Variants in NR5A2 observed in about 807,000 individuals in gnomAD.
The protein encoded by NR5A2 is CYP7A promoter-binding factor.
In NR5A2, 26 loss-of-function variants were observed where a neutral mutation model predicts 62.7. The ratio of observed to expected loss-of-function variants is 0.41; its 90% CI spans 0.30 to 0.58. The LOEUF (loss-of-function observed/expected upper bound fraction) is 0.58. Ranked by LOEUF, NR5A2 falls within the 20% of genes least tolerant of loss-of-function variation. The pLI, the probability that NR5A2 is intolerant of heterozygous loss-of-function variation, is 0.22. For missense variants in NR5A2, 541 were observed against 669.1 expected (o/e 0.81, Z 2.11); for synonymous variants, 246 against 241.7 (o/e 1.02, Z -0.16).
intron 7 of NR5A2, chr1:200,148,264 C>A: frequency 4.8e-6 from 1 of 206,754 alleles, no homozygotes; most frequent in South Asian, 1.2e-4. Context: ...ACAGCATTCC[C>A]TCGGAGGGCA....
intron 5 of NR5A2, among the ~76,000 whole-genome samples, chr1:200,105,620 A>G (rs1481338289): frequency 3.9e-5 from 6 of 152,256 alleles, no homozygotes; most frequent in Non-Finnish European, 7.3e-5. Flanking sequence ...CTACCAGTCC[A>G]TATTGTAGAA....
intron 7 of NR5A2, among the ~76,000 whole-genome samples, chr1:200,145,117 C>T (rs547855480): frequency 6.6e-6 from 1 of 152,240 alleles, no homozygotes; most frequent in South Asian, 2.1e-4. Context: ...CAAGACCAGC[C>T]TGACCAATAT....
chr1:200,042,439 C>T (rs554728905), intron 2 of NR5A2, among the ~76,000 whole-genome samples: 1 of 152,346 alleles, frequency 6.6e-6, no homozygotes, highest in African/African-American at 2.4e-5. Flanking sequence ...GATACTGTGG[C>T]GGAGGACTTT....
chr1:200,059,955 G>A lies in NR5A2; in HGVS notation c.1110+11137G>A, dbSNP rs778692613. Among the ~76,000 whole-genome samples, 22 of 152,136 alleles carry A rather than the reference G, an allele frequency of 1.4e-4. 1 individual carries two copies. The highest frequency in any genetic ancestry group is 9.8e-4 in the Admixed American group (15 of 15,290). ...GAACAACAAAAATGACATAAACCAC[G>A]TCACCTAACCCAGCAGTTAGGTATT... is the stretch of plus-strand genomic sequence containing the variant. On this transcript the variant is annotated intron_variant, in intron 5 of 7. Coordinates refer to ENST00000367362, the MANE Select transcript of NR5A2 (RefSeq NM_205860.3).
chr1:200,041,801 G>A (rs1484944162), intron 2 of NR5A2, among the ~76,000 whole-genome samples: 1 of 152,144 alleles, frequency 6.6e-6, no homozygotes. Flanking sequence ...TTTCAAGAGA[G>A]TCTCTACCTC....
chr1:200,064,374 C>T (rs1571738271), intron 5 of NR5A2, among the ~76,000 whole-genome samples: 1 of 152,180 alleles, frequency 6.6e-6, no homozygotes, highest in African/African-American at 2.4e-5. Flanking sequence ...GAAAGGACAA[C>T]TTAATTCCCA....
At chr1:200,131,556 C>T (rs559193150) in intron 7 of NR5A2, among the ~76,000 whole-genome samples, 1 of 152,158 alleles carries the variant, frequency 6.6e-6, no homozygotes. Flanking sequence ...CAAGAAAAAT[C>T]AAGTGAGAAT....
At chr1:200,045,002 G>T (rs1444560166) in intron 3 of NR5A2, among the ~76,000 whole-genome samples, 1 of 151,412 alleles carries the variant, frequency 6.6e-6, no homozygotes, top group Non-Finnish European at 1.5e-5. Context: ...AAAATCTGAG[G>T]TGTTTTGCTA....
intron 5 of NR5A2, among the ~76,000 whole-genome samples, chr1:200,088,558 C>T (rs1453370286): frequency 6.6e-6 from 1 of 152,118 alleles, no homozygotes; most frequent in Non-Finnish European, 1.5e-5. Flanking sequence ...TGCCTGACCG[C>T]CCAGCCCCTT....
chr1:200,036,162 C>T (rs1264822039), intron 1 of NR5A2, among the ~76,000 whole-genome samples: 3 of 152,174 alleles, frequency 2.0e-5, no homozygotes, highest in Non-Finnish European at 2.9e-5. Flanking sequence ...AGACCCGGTT[C>T]CACCTACTTA....
In NR5A2 at chr1:200,173,977, G is replaced by A. The variant is rs1174901066; in HGVS notation, c.1393G>A (p.Glu465Lys). Reference protein sequence around the residue: ...VLFSLDVKNLENFQLVEGVQE... With the variant: ...VLFSLDVKNLKNFQLVEGVQE... ...TTTTAATGCAGATGTCAAAAACCTTGAAAACTTCCAGCTGGTAGAAGGTGT... is the reference window on the plus strand; with the variant it reads ...TTTTAATGCAGATGTCAAAAACCTTAAAAACTTCCAGCTGGTAGAAGGTGT... The change falls in exon 8 of 8, where the codon GAA becomes AAA. Residue 465 changes from glutamate (E) to lysine (K), a missense_variant. By Grantham distance (56) the Glu-to-Lys change is moderately conservative (BLOSUM62 1). Transcript: ENST00000367362. 2.4e-6 allele frequency: 3 copies of A among 1,276,578 alleles called. No individual in the cohort carries two copies. In the Admixed American group the frequency reaches 9.6e-5, roughly 41 times the overall value. 79.1% of individuals were successfully genotyped at this position (1,276,578 alleles called of 1,614,324 possible).
At chr1:200,096,428 T>C (rs1228107914) in intron 5 of NR5A2, among the ~76,000 whole-genome samples, 1 of 152,046 alleles carries the variant, frequency 6.6e-6, no homozygotes, top group Non-Finnish European at 1.5e-5. Flanking sequence ...AGGGTATGAG[T>C]TGTATGATCA....
intron 5 of NR5A2, among the ~76,000 whole-genome samples, chr1:200,108,528 CATAA>C (rs1344321955): frequency 6.6e-6 from 1 of 152,096 alleles, no homozygotes; most frequent in Non-Finnish European, 1.5e-5. Context: ...TTTAGGTGTC[CATAA>C]ATAGACTTTG....
chr1:200,167,859 C>T (rs1033485360), intron 7 of NR5A2, among the ~76,000 whole-genome samples: 3 of 152,236 alleles, frequency 2.0e-5, no homozygotes, highest in Non-Finnish European at 4.4e-5. Flanking sequence ...TCTAACTCAT[C>T]TTTCAAAACT....
chr1:200,030,276 G>A (rs1661503501), intron 1 of NR5A2, among the ~76,000 whole-genome samples: 1 of 152,160 alleles, frequency 6.6e-6, no homozygotes, highest in Non-Finnish European at 1.5e-5. Flanking sequence ...ACTAGGAAAT[G>A]AGCCTCCTTT....
At chr1:200,099,817 C>T (rs1452596620) in intron 5 of NR5A2, among the ~76,000 whole-genome samples, 6 of 152,182 alleles carry the variant, frequency 3.9e-5, no homozygotes, top group Non-Finnish European at 8.8e-5. Flanking sequence ...TGATCCTGAT[C>T]TCCTGACCTC....
chr1:200,106,656 T>C (rs1411468130), intron 5 of NR5A2, among the ~76,000 whole-genome samples: 5 of 152,216 alleles, frequency 3.3e-5, no homozygotes, highest in African/African-American at 1.2e-4. Context: ...GATGCCACTC[T>C]AAATTGTTTA....
At chr1:200,062,227 T>TTATGTGTGTGTGTGTGTGTGTGTG (rs1553267511) in intron 5 of NR5A2, among the ~76,000 whole-genome samples, 20 of 145,756 alleles carry the variant, frequency 1.4e-4, no homozygotes, top group African/African-American at 5.1e-4. Flanking sequence ...CTGGCAGATT[T>TTATGTGTGTGTGTGTGTGTGTGTG]TGTGTGTGTG....
chr1:200,030,306 A>G (rs1221868880), intron 1 of NR5A2, among the ~76,000 whole-genome samples: 1 of 152,136 alleles, frequency 6.6e-6, no homozygotes, highest in Non-Finnish European at 1.5e-5. Flanking sequence ...AGCTGTCTCC[A>G]TGGTTTTTAA....
Sources: gnomAD v4.1 joint callset for allele counts (sites outside exome capture counted in the v4.1 genomes callset) on GRCh38, gnomAD v4.1.1 for gene constraint, MANE v1.5 for transcripts, NCBI Gene and HGNC (gene_info 2026-07-23, HGNC 2026-07-21) for gene names.